TNFSF8: variants seen among roughly 807,000 people sequenced by gnomAD.
TNFSF8 encodes the protein tumor necrosis factor ligand superfamily member 8.
In TNFSF8, 4 loss-of-function variants were observed where a neutral mutation model predicts 22.0. The observed-to-expected ratio is 0.18, with a 90% CI of 0.09 to 0.42. TNFSF8 has a LOEUF of 0.42. Ranked by LOEUF, TNFSF8 falls within the 10% of genes least tolerant of loss-of-function variation. The probability of loss-of-function intolerance (pLI) is 1.00; values close to 1 mark genes in which losing one functional copy is unlikely to be tolerated. For synonymous variants in TNFSF8, 106 were observed against 112.5 expected (o/e 0.94, Z 0.37); for missense variants, 233 against 281.8 (o/e 0.83, Z 1.24).
In TNFSF8 at chr9:114,930,392, C is replaced by G; in HGVS notation, c.-89G>C. On this transcript the variant is annotated 5_prime_UTR_variant, in exon 1 of 4. Transcript: ENST00000223795. ...TCTCTGTTCCAAGAAGGATTCTCCC[C>G]CTGAATCCTGAATCATGTGACTTGG... 2 of 1,050,034 alleles carry G rather than the reference C, an allele frequency of 1.9e-6. No individual in the cohort carries two copies. Among genetic ancestry groups the G allele is most frequent in the Non-Finnish European group, 2.6e-6 (2 of 782,648 alleles). The allele number at this position is 1,050,034 out of a possible 1,614,324, so 65.0% of individuals were successfully genotyped here. A position where few individuals can be genotyped will look rare whatever the true frequency, so the allele number is the denominator to read the frequency against.
intron 1 of TNFSF8, among the ~76,000 whole-genome samples, chr9:114,923,478 T>TTCTCTTTCTTTCTTTCTTTC (rs376484064): frequency 5.7e-5 from 6 of 105,698 alleles, no homozygotes; most frequent in Admixed American, 2.3e-4. Context: ...TTTTCTTTCT[T>TTCTCTTTCTTTCTTTCTTTC]TTTCTTTCTT....
chr9:114,899,502 A>T (rs933670080), downstream of TNFSF8, among the ~76,000 whole-genome samples: 3 of 152,278 alleles, frequency 2.0e-5, no homozygotes, highest in East Asian at 5.8e-4. Context: ...CCCATGAGGA[A>T]TACAGACATT....
downstream of TNFSF8, among the ~76,000 whole-genome samples, chr9:114,900,290 C>G (rs902259640): frequency 6.6e-6 from 1 of 152,078 alleles, no homozygotes; most frequent in African/African-American, 2.4e-5. Context: ...AGGGACAAAC[C>G]CTTAAATTAA....
intron 4 of TNFSF8, among the ~76,000 whole-genome samples, chr9:114,894,346 A>G (rs1827636590): frequency 1.0e-5 from 1 of 98,700 alleles, no homozygotes; most frequent in Admixed American, 1.2e-4. Context: ...TTGCATGTCT[A>G]ATTTAGCGGA....
chr9:114,928,776 A>G (rs1250364892), intron 1 of TNFSF8, among the ~76,000 whole-genome samples: 26 of 152,206 alleles, frequency 1.7e-4, no homozygotes, highest in Non-Finnish European at 1.2e-4. Context: ...TCTAAATCAA[A>G]TATTTGCAAC....
chr9:114,900,483 C>A (rs1362689101), downstream of TNFSF8, among the ~76,000 whole-genome samples: 1 of 152,176 alleles, frequency 6.6e-6, no homozygotes, highest in Admixed American at 6.5e-5. Context: ...TTATTTCCCA[C>A]CAGCCTTGAT....
chr9:114,915,236 T>A (rs1350919751), intron 2 of TNFSF8, among the ~76,000 whole-genome samples: 1 of 152,214 alleles, frequency 6.6e-6, no homozygotes, highest in African/African-American at 2.4e-5. Context: ...TGACTTCAGA[T>A]TTCCTTGAGA....
At chr9:114,917,301 T>A (rs1183349466) in intron 2 of TNFSF8, among the ~76,000 whole-genome samples, 2 of 152,234 alleles carry the variant, frequency 1.3e-5, no homozygotes, top group Admixed American at 6.5e-5. Context: ...AGATGGGAGT[T>A]GGTGTTCTTG....
chr9:114,919,052 G>A (rs764550953), intron 1 of TNFSF8, among the ~76,000 whole-genome samples: 14 of 148,164 alleles, frequency 9.4e-5, no homozygotes, highest in Non-Finnish European at 1.8e-4. Flanking sequence ...ATTCATCTGT[G>A]AACGTATGTT....
chr9:114,910,805 A>G (rs940781145), intron 2 of TNFSF8, among the ~76,000 whole-genome samples: 3 of 152,226 alleles, frequency 2.0e-5, no homozygotes, highest in African/African-American at 7.2e-5. Context: ...TTTGAGTGCC[A>G]GGTACCTTCC....
At chr9:114,927,025 CAT>C (rs1349264215) in intron 1 of TNFSF8, among the ~76,000 whole-genome samples, 5 of 133,160 alleles carry the variant, frequency 3.8e-5, no homozygotes, top group African/African-American at 5.4e-5. Flanking sequence ...ATATTTATAA[CAT>C]AAAATGTTTA....
chr9:114,912,859 T>C (rs1827869553), intron 2 of TNFSF8, among the ~76,000 whole-genome samples: 2 of 152,246 alleles, frequency 1.3e-5, no homozygotes, highest in Non-Finnish European at 2.9e-5. Flanking sequence ...TTCGTCTTCT[T>C]TAATGCCATT....
In TNFSF8 at chr9:114,921,995, C is replaced by T. The variant is rs999116604; in HGVS notation, c.196-3857G>A. Among the ~76,000 whole-genome samples the T allele has an allele frequency of 3.6e-4, 55 of 152,176 alleles. 1 individual carries two copies. Among genetic ancestry groups the T allele is most frequent in the African/African-American group, 1.3e-3 (55 of 41,444 alleles). ...TGTCTCCAGGTAAAATGACCCCCAT[C>T]CCAACCATCTTCCTTGCCTTGGAGT... On this transcript the variant is annotated intron_variant, in intron 1 of 3. Coordinates refer to ENST00000223795, the MANE Select transcript of TNFSF8 (RefSeq NM_001244.4).
At chr9:114,910,877 T>G (rs1409814318) in intron 2 of TNFSF8, among the ~76,000 whole-genome samples, 1 of 152,232 alleles carries the variant, frequency 6.6e-6, no homozygotes, top group Non-Finnish European at 1.5e-5. Context: ...AAAGAGCACC[T>G]GAATTCTGGT....
At chr9:114,905,750 GA>G in intron 3 of TNFSF8, 77 bp downstream of exon 3, 1 of 1,142,922 alleles carries the variant, frequency 8.7e-7, no homozygotes, top group South Asian at 1.2e-5. Flanking sequence ...CTCTAATTAT[GA>G]CTTCTGGCTT....
At chr9:114,913,515 C>G (rs936051951) in intron 2 of TNFSF8, among the ~76,000 whole-genome samples, 1 of 152,162 alleles carries the variant, frequency 6.6e-6, no homozygotes. Context: ...AAGCCAAGAG[C>G]TGGGGGCCGC....
Position 114,902,168 on chromosome 9 carries a change from A to G in TNFSF8, c.*1763T>C. 1.0e-6 allele frequency: 1 copy of G among 985,436 alleles called. No individual in the cohort carries two copies. Among genetic ancestry groups the G allele is most frequent in the Non-Finnish European group, 1.2e-6 (1 of 829,936 alleles). The allele number at this position is 985,436 out of a possible 1,614,324, so 61.0% of individuals were successfully genotyped here. ...ATGATGTACAGATGCCAAGTTGGAT[A>G]TAGCTAGAGAAATCTCATGGCTACC... On this transcript the variant is annotated 3_prime_UTR_variant, in exon 4 of 4. Coordinates refer to ENST00000223795, the MANE Select transcript of TNFSF8 (RefSeq NM_001244.4).
At chr9:114,912,388 G>A (rs1227368875) in intron 2 of TNFSF8, among the ~76,000 whole-genome samples, 2 of 152,138 alleles carry the variant, frequency 1.3e-5, no homozygotes, top group Admixed American at 6.5e-5. Flanking sequence ...CAATTTCAAG[G>A]AATGGGCCTG....
At chr9:114,901,012 TACA>T (rs1398548727), downstream of TNFSF8, 33 of 980,042 alleles carry the variant, frequency 3.4e-5, no homozygotes, top group Non-Finnish European at 3.4e-5. Flanking sequence ...CATCTTCCTC[TACA>T]AGTTCTGCAA....
Sources: allele counts gnomAD v4.1 joint callset (sites outside exome capture counted in the v4.1 genomes callset), GRCh38; gene constraint gnomAD v4.1.1; transcripts MANE v1.5; gene names NCBI Gene and HGNC (gene_info 2026-07-23, HGNC 2026-07-21).